Variants in NPR3 observed in about 807,000 individuals in gnomAD.
NPR3 encodes natriuretic peptide receptor 3.
NPR3 carries 34 observed loss-of-function variants against 54.5 expected under a neutral mutation model. The observed-to-expected ratio is 0.62, with a 90% CI of 0.47 to 0.83. The LOEUF (loss-of-function observed/expected upper bound fraction) is 0.83, where lower values mean the gene tolerates loss of function less well. Among genes scored for constraint, NPR3 ranks in the 40% least tolerant of loss-of-function variants. The pLI, the probability that NPR3 is intolerant of heterozygous loss-of-function variation, is 0.00. For synonymous variants in NPR3, 289 were observed against 297.1 expected (o/e 0.97, Z 0.28); for missense variants, 674 against 720.8 (o/e 0.94, Z 0.74).
At chr5:32,739,057 C>G (rs752885895) in intron 3 of NPR3, 27 bp downstream of exon 3, 2 of 1,602,120 alleles carry the variant, frequency 1.2e-6, no homozygotes, top group African/African-American at 1.3e-5. Context: ...GAGCCTAGAC[C>G]TTTAGCATCC....
chr5:32,728,571 C>T (rs1381156386), intron 2 of NPR3, among the ~76,000 whole-genome samples: 3 of 151,202 alleles, frequency 2.0e-5, no homozygotes, highest in East Asian at 1.9e-4. Flanking sequence ...CATTGTTTTC[C>T]ATGCTCTATA....
intron 3 of NPR3, among the ~76,000 whole-genome samples, chr5:32,750,426 C>A (rs1292813865): frequency 1.3e-5 from 2 of 152,270 alleles, no homozygotes; most frequent in East Asian, 3.9e-4. Context: ...GGGAGCCACC[C>A]CTCCCGGCTT....
chr5:32,726,165 C>T (rs571086977), intron 2 of NPR3, among the ~76,000 whole-genome samples: 2 of 152,268 alleles, frequency 1.3e-5, no homozygotes, highest in African/African-American at 4.8e-5. Context: ...TTATACTGAG[C>T]TTCACTTCCC....
At chr5:32,763,750 T>C (rs768647696) in intron 3 of NPR3, among the ~76,000 whole-genome samples, 15 of 152,142 alleles carry the variant, frequency 9.9e-5, no homozygotes, top group Non-Finnish European at 2.1e-4. Context: ...GTAGGTCACC[T>C]CTCCAGCCCC....
At chr5:32,717,030 T>A (rs2111862913) in intron 1 of NPR3, among the ~76,000 whole-genome samples, 1 of 104,706 alleles carries the variant, frequency 9.6e-6, no homozygotes, top group South Asian at 3.6e-4. Context: ...CAGGCCCCGG[T>A]GTGTGATGTT....
chr5:32,786,329 A>AT lies in NPR3; in HGVS notation c.1615dup (p.Ser539PhefsTer39). 6.6e-7 allele frequency: 1 copy of AT among 1,516,330 alleles called. No individual in the cohort carries two copies. The highest frequency in any genetic ancestry group is 9.1e-7 in the Non-Finnish European group (1 of 1,099,606). 93.9% of individuals were successfully genotyped at this position (1,516,330 alleles called of 1,614,324 possible). Reference sequence around the variant, plus strand: ...TTACGGGAAGATTCCATCAGATCCCATTTTTCAGTAGCTTAAAGGAAGCCC... The same window carrying AT: ...TTACGGGAAGATTCCATCAGATCCCATTTTTTCAGTAGCTTAAAGGAAGCCC... On this transcript the variant is annotated frameshift_variant, in exon 8 of 8. Coordinates refer to ENST00000265074, the MANE Select transcript of NPR3 (RefSeq NM_001204375.2). LOFTEE classifies it high-confidence loss of function.
At position 32,774,766 on chromosome 5, in the gene NPR3, A is replaced by G. The variant is rs769451195; in HGVS notation, c.1118A>G (p.His373Arg). Residue 373 changes from histidine (H) to arginine (R), a missense_variant, in exon 4 of 8, where the codon CAT becomes CGT. His to Arg is a conservative substitution (Grantham distance 29). Coordinates refer to ENST00000265074, the MANE Select transcript of NPR3 (RefSeq NM_001204375.2). ...DAILLYVLAL[H>R]EVLRAGYSKK... The stretch of plus-strand genomic sequence containing the variant: ...ATCCTCCTCTACGTCTTGGCTCTAC[A>G]TGAAGTACTCAGAGCTGGTTACAGC... 33 of 1,601,902 alleles carry G rather than the reference A, an allele frequency of 2.1e-5. No individual in the cohort carries two copies. Among genetic ancestry groups the G allele is most frequent in the Admixed American group, 1.3e-4 (8 of 59,992 alleles).
At chr5:32,708,555 A>G (rs1738058383), upstream of NPR3, among the ~76,000 whole-genome samples, 1 of 152,242 alleles carries the variant, frequency 6.6e-6, no homozygotes, top group African/African-American at 2.4e-5. Context: ...TACTTTGAAT[A>G]CAATCCCATT....
Position 32,743,598 on chromosome 5 carries a change from A to G in NPR3, c.1059+4568A>G, listed in dbSNP as rs1490216377. On this transcript the variant is annotated intron_variant, in intron 3 of 7. Transcript: ENST00000265074. ...CCTAGAATAACTCAGGACCATCTCAACCTCAAGACTGAATCGTTCTATTTC... is the reference window on the plus strand; with the variant it reads ...CCTAGAATAACTCAGGACCATCTCAGCCTCAAGACTGAATCGTTCTATTTC... Among the ~76,000 whole-genome samples, 3 of 152,204 alleles carry G rather than the reference A, an allele frequency of 2.0e-5. No individual in the cohort carries two copies. In the East Asian group the frequency reaches 5.8e-4, roughly 29 times the overall value.
chr5:32,712,561 T>TCCCGGGC lies in NPR3; in HGVS notation c.769+26_769+32dup, dbSNP rs769067603. On this transcript the variant is annotated intron_variant, in intron 1 of 7. Transcript: ENST00000265074. ...AGTGAGAGAGGTGAGCAGGGGCGCG[T>TCCCGGGC]CCCGGGCCCCGGGCCCTAACCCAAC... 1.3e-5 allele frequency: 19 copies of TCCCGGGC among 1,503,032 alleles called. No individual in the cohort carries two copies. The East Asian group carries it at 1.6e-4, about 13-fold the overall frequency. 93.1% of individuals were successfully genotyped at this position (1,503,032 alleles called of 1,614,324 possible).
chr5:32,728,106 T>C (rs551356627), intron 2 of NPR3, among the ~76,000 whole-genome samples: 18 of 152,352 alleles, frequency 1.2e-4, no homozygotes, highest in African/African-American at 4.1e-4. Flanking sequence ...AGATATATTG[T>C]TGAGTTTAAG....
Position 32,711,504 on chromosome 5 carries a change from T to C in NPR3, c.-273T>C. On this transcript the variant is annotated 5_prime_UTR_variant, in exon 1 of 8. Transcript: ENST00000265074. ...AACGGAGGGCGAATATATACAAGTA[T>C]ATATATATGTATATTACAGACGCAC... 1.7e-6 allele frequency: 2 copies of C among 1,165,992 alleles called. No individual in the cohort carries two copies. The highest frequency in any genetic ancestry group is 1.1e-6 in the Non-Finnish European group (1 of 946,202). 72.2% of individuals were successfully genotyped at this position (1,165,992 alleles called of 1,614,324 possible).
At chr5:32,785,233 A>G (rs998868693) in intron 7 of NPR3, among the ~76,000 whole-genome samples, 1 of 145,242 alleles carries the variant, frequency 6.9e-6, no homozygotes, top group Non-Finnish European at 1.5e-5. Context: ...GTTCACTGCA[A>G]CCTCCACCTC....
chr5:32,765,306 C>A (rs1741394017), intron 3 of NPR3, among the ~76,000 whole-genome samples: 1 of 152,170 alleles, frequency 6.6e-6, no homozygotes, highest in Non-Finnish European at 1.5e-5. Flanking sequence ...GACATATAAT[C>A]AATTAATTTC....
chr5:32,783,279 G>T, intron 6 of NPR3: 1 of 354,878 alleles, frequency 2.8e-6, no homozygotes. Context: ...CTCTTGGCTA[G>T]GTCATGTTTC....
At chr5:32,713,414 C>G (rs532415009) in intron 1 of NPR3, 640 of 985,300 alleles carry the variant, frequency 6.5e-4, no homozygotes, top group Non-Finnish European at 7.5e-4. Context: ...GACGTGTAAT[C>G]GCCAGTGTGG....
chr5:32,698,716 C>A (rs1170908343), intron 1 of NPR3, among the ~76,000 whole-genome samples: 8 of 152,054 alleles, frequency 5.3e-5, no homozygotes, highest in Non-Finnish European at 1.2e-4. Flanking sequence ...ACCCCTTTAT[C>A]ATTAGATAAT....
At chr5:32,765,538 G>T (rs1017643013) in intron 3 of NPR3, among the ~76,000 whole-genome samples, 2 of 152,180 alleles carry the variant, frequency 1.3e-5, no homozygotes, top group South Asian at 2.1e-4. Context: ...TGTATTTGAC[G>T]CAGGGCTAGG....
intron 3 of NPR3, among the ~76,000 whole-genome samples, chr5:32,741,890 T>A (rs1740055905): frequency 6.6e-6 from 1 of 151,852 alleles, no homozygotes; most frequent in South Asian, 2.1e-4. Flanking sequence ...CACGCCTGGC[T>A]GAGTTGGGCT....
Sources: allele counts gnomAD v4.1 joint callset (sites outside exome capture counted in the v4.1 genomes callset), GRCh38; gene constraint gnomAD v4.1.1; transcripts MANE v1.5; gene names NCBI Gene and HGNC (gene_info 2026-07-23, HGNC 2026-07-21).